The following DENND5A variants were observed in gnomAD, a reference collection of about 807,000 sequenced individuals.
The protein encoded by DENND5A is DENN domain-containing protein 5A.
Under a neutral mutation model 140.3 loss-of-function variants are expected in DENND5A, and 64 were observed. That is an observed-to-expected ratio of 0.46 (90% CI 0.37 to 0.56). DENND5A has a LOEUF of 0.56. Among genes scored for constraint, DENND5A ranks in the 20% least tolerant of loss-of-function variants. The pLI is 0.00. For synonymous variants in DENND5A, 605 were observed against 607.7 expected (o/e 1.00, Z 0.07); for missense variants, 1,292 against 1,593.8 (o/e 0.81, Z 3.22).
At chr11:9,192,612 T>G (rs191137955) in intron 5 of DENND5A, among the ~76,000 whole-genome samples, 4 of 145,486 alleles carry the variant, frequency 2.7e-5, no homozygotes, top group Non-Finnish European at 6.0e-5. Flanking sequence ...TGGGTGACAG[T>G]GCGAGACTTC....
At chr11:9,196,799 T>C (rs936026312) in intron 4 of DENND5A, among the ~76,000 whole-genome samples, 2 of 151,704 alleles carry the variant, frequency 1.3e-5, no homozygotes, top group South Asian at 2.1e-4. Context: ...TTAGTAGAGA[T>C]GAGGTTTTAT....
Position 9,166,036 on chromosome 11 carries a change from G to T in DENND5A, c.2152-69C>A, listed in dbSNP as rs1215265798. ...TAAACCAAAGGTCAGCAGTACTGGT[G>T]GGTGCCTGAAGAGGGCATTATTTTC... On this transcript the variant is annotated intron_variant, in intron 10 of 22. Transcript: ENST00000328194. 3.4e-6 allele frequency: 5 copies of T among 1,472,898 alleles called. 1 individual carries two copies. The highest frequency in any genetic ancestry group is 4.7e-6 in the Non-Finnish European group (5 of 1,065,286). 91.2% of individuals were successfully genotyped at this position (1,472,898 alleles called of 1,614,324 possible). A position where few individuals can be genotyped will look rare whatever the true frequency, so the allele number is the denominator to read the frequency against.
intron 1 of DENND5A, among the ~76,000 whole-genome samples, chr11:9,220,435 T>C (rs1462319041): frequency 6.6e-6 from 1 of 151,976 alleles, no homozygotes; most frequent in African/African-American, 2.4e-5. Flanking sequence ...TAATCCCAGC[T>C]ACTTGGGAAG....
In DENND5A at chr11:9,265,022, G is replaced by C. The variant is rs763783591; in HGVS notation, c.48C>G (p.Ala16=). Residue 16 remains alanine (A), a synonymous_variant, in exon 1 of 23, where the codon GCC becomes GCG. Transcript: ENST00000328194. The surrounding 1 kb of genome is among the most constrained non-coding windows in gnomAD (Gnocchi z 4.7). ...GGGGSAPSRF[A]DYFVICGLDT... is the part of the protein sequence containing the mutation. Reference sequence around the variant, plus strand: ...CCAGTCCGCAGATGACAAAGTAGTCGGCGAAGCGACTGGGCGCCGAGCCCC... The same window carrying C: ...CCAGTCCGCAGATGACAAAGTAGTCCGCGAAGCGACTGGGCGCCGAGCCCC... 1 of 1,577,618 alleles carries C rather than the reference G, an allele frequency of 6.3e-7. No homozygotes were observed. Among genetic ancestry groups the C allele is most frequent in the Non-Finnish European group, 8.6e-7 (1 of 1,165,080 alleles).
At chr11:9,150,819 C>T (rs957998760) in intron 13 of DENND5A, 55 bp from the exon 14 acceptor site, 3 of 1,132,610 alleles carry the variant, frequency 2.6e-6, no homozygotes, top group South Asian at 1.3e-5. Flanking sequence ...AAATAGCTGA[C>T]TGCCCTTCCC....
chr11:9,139,914 G>A (rs564289582), intron 22 of DENND5A, 60 bp from the exon 23 acceptor site: 119 of 1,527,812 alleles, frequency 7.8e-5, no homozygotes, highest in Middle Eastern at 3.8e-4. Context: ...AAGAGAGAGC[G>A]TTAGTGCAAG....
At chr11:9,245,784 C>CCACCA (rs1404554081) in intron 1 of DENND5A, among the ~76,000 whole-genome samples, 1 of 151,938 alleles carries the variant, frequency 6.6e-6, no homozygotes, top group Non-Finnish European at 1.5e-5. Context: ...CAGGCGTGGA[C>CCACCA]CACCACGCTC....
chr11:9,180,760 A>G lies in DENND5A; in HGVS notation c.1455+7T>C. On this transcript the variant is annotated splice_region_variant and intron_variant, in intron 6 of 22. Transcript: ENST00000328194. ...ACACGTGTCACAGACTCATATACAC[A>G]TCTTACCTTTTCCAGGCTCACCCCA... 6.2e-7 allele frequency: 1 copy of G among 1,612,992 alleles called. No homozygotes were observed. Among genetic ancestry groups the G allele is most frequent in the South Asian group, 1.1e-5 (1 of 90,894 alleles).
chr11:9,145,543 A>C, intron 17 of DENND5A, 127 bp downstream of exon 17: 2 of 1,034,490 alleles, frequency 1.9e-6, no homozygotes, highest in African/African-American at 3.2e-5. Context: ...TCATCTCAGG[A>C]AGGTCAGCTA....
At chr11:9,239,412 C>T (rs1590322484) in intron 1 of DENND5A, among the ~76,000 whole-genome samples, 3 of 151,008 alleles carry the variant, frequency 2.0e-5, no homozygotes, top group South Asian at 2.1e-4. Flanking sequence ...TCATGACTCA[C>T]GGCAGCCTCA....
At chr11:9,189,975 G>A (rs1442416844) in intron 5 of DENND5A, among the ~76,000 whole-genome samples, 5 of 152,248 alleles carry the variant, frequency 3.3e-5, no homozygotes, top group South Asian at 4.1e-4. Context: ...TGACCTGGAC[G>A]TGAGACACGG....
At chr11:9,167,766 G>A in intron 10 of DENND5A, among the ~76,000 whole-genome samples, 1 of 152,118 alleles carries the variant, frequency 6.6e-6, no homozygotes. Context: ...TTACACCATT[G>A]CACTCCAACC....
chr11:9,180,784 C>A lies in DENND5A; in HGVS notation c.1438G>T (p.Gly480Trp). The A allele has an allele frequency of 6.2e-7, 1 of 1,614,116 alleles. No individual in the cohort carries two copies. Among genetic ancestry groups the A allele is most frequent in the Non-Finnish European group, 8.5e-7 (1 of 1,179,976 alleles). ...CATCTTACCTTTTCCAGGCTCACCC[C>A]AGTTCTCTTGACCAAGGCTTGCAGC... is the stretch of plus-strand genomic sequence containing the variant. ...ARLQALVKRT[G>W]VSLEKLEVRE... is the part of the protein sequence containing the mutation. The change falls in exon 6 of 23, where the codon GGG (glycine) becomes TGG (tryptophan). Residue 480 changes from glycine to tryptophan, a missense_variant. Coordinates refer to ENST00000328194, the MANE Select transcript of DENND5A (RefSeq NM_015213.4).
At chr11:9,156,886 A>T (rs865793385) in intron 12 of DENND5A, among the ~76,000 whole-genome samples, 1,794 of 151,034 alleles carry the variant, frequency 0.012, 42 homozygotes, top group African/African-American at 0.04. Context: ...GAAGGAAGGA[A>T]GGAAGGAAGG....
chr11:9,215,757 C>A (rs1850066728), intron 1 of DENND5A, among the ~76,000 whole-genome samples: 1 of 152,024 alleles, frequency 6.6e-6, no homozygotes, highest in Non-Finnish European at 1.5e-5. Context: ...GCCGTGTTGG[C>A]CAGGCTGATC....
At chr11:9,196,353 A>G (rs1849328078) in intron 4 of DENND5A, among the ~76,000 whole-genome samples, 1 of 152,230 alleles carries the variant, frequency 6.6e-6, no homozygotes, top group Admixed American at 6.5e-5. Flanking sequence ...CTACGTATTT[A>G]TGAACAATTA....
chr11:9,249,078 A>T (rs1851601546), intron 1 of DENND5A, among the ~76,000 whole-genome samples: 1 of 152,028 alleles, frequency 6.6e-6, no homozygotes, highest in South Asian at 2.1e-4. Context: ...ATACAAAAAA[A>T]TTAGCCGGGC....
chr11:9,203,390 A>C, intron 4 of DENND5A: 1 of 350,682 alleles, frequency 2.9e-6, no homozygotes. Context: ...CCTCCTACCC[A>C]CCCCTCTTTT....
chr11:9,144,578 G>A (rs1847358394), intron 18 of DENND5A, among the ~76,000 whole-genome samples: 1 of 152,074 alleles, frequency 6.6e-6, no homozygotes, highest in Non-Finnish European at 1.5e-5. Context: ...ATCACCTGCG[G>A]TCAGGAGTTC....
Sources: gnomAD v4.1 joint callset for allele counts (sites outside exome capture counted in the v4.1 genomes callset) on GRCh38, gnomAD v4.1.1 for gene constraint, Gnocchi (gnomAD v3.1) non-coding constraint, MANE v1.5 for transcripts, NCBI Gene and HGNC (gene_info 2026-07-23, HGNC 2026-07-21) for gene names.